CA2: variants seen among roughly 807,000 people sequenced by gnomAD.
The protein encoded by CA2 is carbonate dehydratase II.
CA2 carries 23 observed loss-of-function variants against 27.8 expected under a neutral mutation model. That is an observed-to-expected ratio of 0.83 (90% CI 0.59 to 1.17). CA2 has a LOEUF of 1.17. CA2 is among the 50% of genes most tolerant of loss of function. The pLI is 0.00. For synonymous variants in CA2, 99 were observed against 114.9 expected (o/e 0.86, Z 0.88); for missense variants, 300 against 314.7 (o/e 0.95, Z 0.35).
intron 4 of CA2, among the ~76,000 whole-genome samples, chr8:85,475,310 G>T (rs893776076): frequency 5.3e-5 from 7 of 131,312 alleles, no homozygotes; most frequent in Non-Finnish European, 9.3e-5. Context: ...GGTTGAGGTT[G>T]CAGTGAGCTA....
chr8:85,466,679 TACACACACACAC>T (rs33928115), intron 2 of CA2, among the ~76,000 whole-genome samples: 30 of 149,056 alleles, frequency 2.0e-4, no homozygotes, highest in South Asian at 4.3e-4. Context: ...CATACATACA[TACACACACACAC>T]ACACACACAC....
At chr8:85,469,404 G>C (rs1157106717) in intron 2 of CA2, among the ~76,000 whole-genome samples, 1 of 152,118 alleles carries the variant, frequency 6.6e-6, no homozygotes, top group Non-Finnish European at 1.5e-5. Flanking sequence ...GCTGATTTAA[G>C]CTTGAGAGAA....
At chr8:85,474,280 G>T in intron 3 of CA2, 44 bp from the exon 4 acceptor site, 1 of 1,352,448 alleles carries the variant, frequency 7.4e-7, no homozygotes, top group South Asian at 1.2e-5. Flanking sequence ...TGTCAGCTTT[G>T]ATTATGTAAA....
chr8:85,466,903 A>C (rs774083511), intron 2 of CA2, among the ~76,000 whole-genome samples: 2 of 152,222 alleles, frequency 1.3e-5, no homozygotes, highest in South Asian at 4.1e-4. Flanking sequence ...TAACAAGACA[A>C]GGCCAAAGGT....
At chr8:85,477,505 A>G (rs1299320749) in intron 6 of CA2, among the ~76,000 whole-genome samples, 2 of 151,312 alleles carry the variant, frequency 1.3e-5, no homozygotes, top group African/African-American at 4.9e-5. Flanking sequence ...AGTCATTGTA[A>G]GGATTCAATG....
At chr8:85,477,083 T>C (rs1811811982) in intron 5 of CA2, 37 bp from the exon 6 acceptor site, 2 of 1,610,898 alleles carry the variant, frequency 1.2e-6, no homozygotes. Context: ...ACTCTGTCAA[T>C]GTGATAGTTT....
chr8:85,474,727 A>G (rs1049548629), intron 4 of CA2: 4 of 387,172 alleles, frequency 1.0e-5, no homozygotes, highest in Non-Finnish European at 1.9e-5. Context: ...ACAGTACTAT[A>G]TTATGATAAA....
intron 6 of CA2, among the ~76,000 whole-genome samples, chr8:85,478,395 A>C (rs1303865508): frequency 6.6e-6 from 1 of 152,224 alleles, no homozygotes; most frequent in African/African-American, 2.4e-5. Flanking sequence ...TATTTGAGTA[A>C]GCTTCTTGAA....
At chr8:85,477,733 A>G (rs141661454) in intron 6 of CA2, among the ~76,000 whole-genome samples, 3 of 152,320 alleles carry the variant, frequency 2.0e-5, no homozygotes, top group Non-Finnish European at 2.9e-5. Flanking sequence ...GAGAACATGT[A>G]TCTATTAAAA....
chr8:85,464,379 AG>A, intron 1 of CA2: 1 of 432,360 alleles, frequency 2.3e-6, no homozygotes, highest in East Asian at 4.0e-5. Flanking sequence ...GGCCCGAGGG[AG>A]GGGAGGCGCA....
intron 2 of CA2, among the ~76,000 whole-genome samples, chr8:85,466,044 G>C (rs1293338821): frequency 6.7e-6 from 1 of 150,336 alleles, no homozygotes; most frequent in Non-Finnish European, 1.5e-5. Context: ...ATGTTTTAGA[G>C]TTGGTGAACA....
intron 2 of CA2, among the ~76,000 whole-genome samples, chr8:85,471,327 T>G (rs1422719001): frequency 6.6e-6 from 1 of 152,114 alleles, no homozygotes; most frequent in Admixed American, 6.5e-5. Flanking sequence ...AAAACAGGTA[T>G]CTGGTGATAA....
In CA2 at chr8:85,477,205, C is replaced by G; in HGVS notation, c.593C>G (p.Thr198Ser). ...TACTGGACCTACCCAGGCTCACTGACCACCCCTCCTCTTCTGGAATGTGTG... is the reference window on the plus strand; with the variant it reads ...TACTGGACCTACCCAGGCTCACTGAGCACCCCTCCTCTTCTGGAATGTGTG... ...LDYWTYPGSLTTPPLLECVTW... is the reference protein window; with the variant it reads ...LDYWTYPGSLSTPPLLECVTW... The change falls in exon 6 of 7, where the codon ACC (threonine) becomes AGC (serine). Residue 198 changes from threonine to serine, a missense_variant. Physicochemically the swap from Thr to Ser is moderately conservative, Grantham distance 58. Around this residue, in one of 3 missense-constraint regions of CA2, gnomAD observed 173 missense variants for 161.0 expected, o/e 1.07. Transcript: ENST00000285379. 2 of 1,614,074 alleles carry G rather than the reference C, an allele frequency of 1.2e-6. No homozygotes were observed. The highest frequency in any genetic ancestry group is 1.7e-6 in the Non-Finnish European group (2 of 1,179,984).
intron 2 of CA2, 142 bp downstream of exon 2, chr8:85,465,611 A>C: frequency 1.4e-6 from 1 of 732,172 alleles, no homozygotes; most frequent in Non-Finnish European, 2.4e-6. Context: ...GATCATTTTC[A>C]TTAGGTCTCA....
chr8:85,467,306 C>T (rs1386572715), intron 2 of CA2, among the ~76,000 whole-genome samples: 2 of 152,100 alleles, frequency 1.3e-5, no homozygotes, highest in Non-Finnish European at 1.5e-5. Context: ...CTAGAGCTGC[C>T]GGCAACTAGC....
At chr8:85,477,079 T>C (rs1437993553) in intron 5 of CA2, 41 bp from the exon 6 acceptor site, 2 of 1,609,240 alleles carry the variant, frequency 1.2e-6, no homozygotes, top group East Asian at 2.2e-5. Flanking sequence ...TCCTACTCTG[T>C]CAATGTGATA....
intron 2 of CA2, among the ~76,000 whole-genome samples, chr8:85,470,799 T>A (rs1811703759): frequency 6.6e-6 from 1 of 151,960 alleles, no homozygotes; most frequent in South Asian, 2.1e-4. Context: ...AGATTTGAAT[T>A]TAAATTAAAT....
chr8:85,465,742 G>T (rs931648562), intron 2 of CA2, among the ~76,000 whole-genome samples: 10 of 152,112 alleles, frequency 6.6e-5, no homozygotes, highest in African/African-American at 2.4e-4. Flanking sequence ...ATCACAAAAG[G>T]TGCAAAGTCC....
intron 1 of CA2, 28 bp downstream of exon 1, chr8:85,464,143 GGCGCCCC>G: frequency 6.5e-7 from 1 of 1,530,668 alleles, no homozygotes. Flanking sequence ...CCAGCGCGGG[GGCGCCCC>G]GATCCCCGAT....
Sources: allele counts gnomAD v4.1 joint callset (sites outside exome capture counted in the v4.1 genomes callset), GRCh38; gene constraint gnomAD v4.1.1; regional missense constraint gnomAD v4.1.1; transcripts MANE v1.5; gene names NCBI Gene and HGNC (gene_info 2026-07-23, HGNC 2026-07-21).